Variants in GINS1 observed in about 807,000 individuals in gnomAD.
GINS1 encodes the protein GINS complex subunit 1.
In GINS1, 26 loss-of-function variants were observed where a neutral mutation model predicts 34.9. The ratio of observed to expected loss-of-function variants is 0.74; its 90% CI spans 0.55 to 1.03. The LOEUF (loss-of-function observed/expected upper bound fraction) is 1.03. Among genes scored for constraint, GINS1 ranks in the 50% least tolerant of loss-of-function variants. The pLI is 0.00. For missense variants in GINS1, 235 were observed against 237.9 expected (o/e 0.99, Z 0.08); for synonymous variants, 97 against 84.4 (o/e 1.15, Z -0.82).
intron 1 of GINS1, among the ~76,000 whole-genome samples, chr20:25,409,642 C>T (rs1225908140): frequency 6.6e-6 from 1 of 152,200 alleles, no homozygotes; most frequent in Non-Finnish European, 1.5e-5. Context: ...AATGAAGAAA[C>T]TGAGCTGACA....
chr20:25,432,663 C>T (rs1164365255), intron 5 of GINS1, among the ~76,000 whole-genome samples: 4 of 151,792 alleles, frequency 2.6e-5, no homozygotes, highest in African/African-American at 7.3e-5. Context: ...GATGGGATTT[C>T]GCCATGTTGG....
At chr20:25,441,874 T>TC in intron 6 of GINS1, 98 bp downstream of exon 6, 1 of 670,022 alleles carries the variant, frequency 1.5e-6, no homozygotes. Context: ...TGATGATCGT[T>TC]TATATATTAG....
In GINS1 at chr20:25,413,787, T is replaced by C. The variant is rs2090302653; in HGVS notation, c.76-3T>C. ...GATTTCAATATCGGTTTATATGTTC[T>C]AGGAGGATGGACTCAGACAAGTTCT... On this transcript the variant is annotated splice_polypyrimidine_tract_variant and splice_region_variant and intron_variant, in intron 1 of 6. Transcript: ENST00000262460. The C allele has an allele frequency of 1.9e-6, 3 of 1,550,096 alleles. No individual in the cohort carries two copies. The highest frequency in any genetic ancestry group is 1.7e-4 in the Middle Eastern group (1 of 5,968).
chr20:25,413,024 A>G (rs755494470), intron 1 of GINS1, among the ~76,000 whole-genome samples: 2 of 150,924 alleles, frequency 1.3e-5, no homozygotes, highest in Non-Finnish European at 2.9e-5. Context: ...ATTTCAGATT[A>G]TCCTCATTGT....
intron 1 of GINS1, among the ~76,000 whole-genome samples, chr20:25,409,575 A>G (rs565166023): frequency 6.6e-6 from 1 of 152,276 alleles, no homozygotes; most frequent in African/African-American, 2.4e-5. Flanking sequence ...GGGAAAGGTA[A>G]TGAGTTTTGT....
At chr20:25,435,309 A>C (rs1341681627) in intron 5 of GINS1, among the ~76,000 whole-genome samples, 1 of 152,052 alleles carries the variant, frequency 6.6e-6, no homozygotes, top group South Asian at 2.1e-4. Context: ...TTCTTTTTGA[A>C]TTTTTTAGAG....
At chr20:25,423,123 T>G (rs918815815) in intron 4 of GINS1, among the ~76,000 whole-genome samples, 3 of 151,660 alleles carry the variant, frequency 2.0e-5, no homozygotes, top group African/African-American at 4.9e-5. Flanking sequence ...GTTTTTTTTT[T>G]GTTTTTTTTG....
intron 4 of GINS1, among the ~76,000 whole-genome samples, chr20:25,423,612 CT>C (rs35923439): frequency 0.023 from 1,971 of 85,490 alleles, 110 homozygotes; most frequent in African/African-American, 0.093. Flanking sequence ...TTTCTTCTCT[CT>C]TTTTTTTTTT....
chr20:25,421,055 G>A (rs2090352361), intron 4 of GINS1: 1 of 666,408 alleles, frequency 1.5e-6, no homozygotes, highest in African/African-American at 2.0e-5. Flanking sequence ...TATTACCCAA[G>A]GATAGTGCTT....
chr20:25,442,078 T>C (rs982209087), intron 6 of GINS1, among the ~76,000 whole-genome samples: 2 of 152,188 alleles, frequency 1.3e-5, no homozygotes, highest in Non-Finnish European at 2.9e-5. Flanking sequence ...CTGGAGGCTA[T>C]TGAACTGTTG....
intron 4 of GINS1, among the ~76,000 whole-genome samples, chr20:25,421,268 G>A (rs1332779270): frequency 6.6e-6 from 1 of 152,136 alleles, no homozygotes; most frequent in Non-Finnish European, 1.5e-5. Context: ...CAAATTCCTG[G>A]TATATAGTAA....
chr20:25,416,334 A>G (rs1049798263), intron 2 of GINS1, among the ~76,000 whole-genome samples: 1 of 152,312 alleles, frequency 6.6e-6, no homozygotes, highest in African/African-American at 2.4e-5. Context: ...CCACCTTCCT[A>G]GTTTCATCAG....
chr20:25,443,792 A>AT (rs1167693391), intron 6 of GINS1, among the ~76,000 whole-genome samples: 114 of 151,264 alleles, frequency 7.5e-4, no homozygotes, highest in Middle Eastern at 3.4e-3. Context: ...TGGTGGTTGA[A>AT]TTTTTTAACT....
chr20:25,442,374 A>G lies in GINS1; in HGVS notation c.522+598A>G, dbSNP rs547882548. 7.9e-3 allele frequency among the ~76,000 whole-genome samples: 1,137 copies of G among 143,282 alleles called. 15 individuals carry two copies. The highest frequency in any genetic ancestry group is 0.028 in the African/African-American group (1,068 of 37,830). 94.0% of individuals were successfully genotyped at this position (143,282 alleles called of 152,430 possible). On this transcript the variant is annotated intron_variant, in intron 6 of 6. Transcript: ENST00000262460. ...TGTCTGTCTGTCTGTCTGTCTGTCT[A>G]TCTATCTATCTATCTTTAAAGAAAA...
chr20:25,424,687 T>G (rs1264233525), intron 4 of GINS1, among the ~76,000 whole-genome samples: 1 of 152,240 alleles, frequency 6.6e-6, no homozygotes, highest in Non-Finnish European at 1.5e-5. Context: ...TCTATAGATT[T>G]ACCTATTACA....
intron 2 of GINS1, among the ~76,000 whole-genome samples, chr20:25,416,724 A>G (rs1320715622): frequency 6.6e-6 from 1 of 152,248 alleles, no homozygotes; most frequent in Non-Finnish European, 1.5e-5. Context: ...TATGTAGAAT[A>G]GCGACATGAC....
chr20:25,413,497 C>A, intron 1 of GINS1: 1 of 336,588 alleles, frequency 3.0e-6, no homozygotes, highest in Non-Finnish European at 5.4e-6. Context: ...TATATATATA[C>A]ACCTAGGAGT....
chr20:25,421,690 C>G (rs979997499), intron 4 of GINS1, among the ~76,000 whole-genome samples: 5 of 151,966 alleles, frequency 3.3e-5, no homozygotes, highest in African/African-American at 9.7e-5. Flanking sequence ...ATAAGGAAAA[C>G]TAAAAAATTT....
Position 25,446,236 on chromosome 20 carries a change from T to G in GINS1, c.*245T>G. ...TTGTTTTGTAGAGACTGTCTCACTA[T>G]GTTGCCCAAGCTGGTCTCAAACTCC... On this transcript the variant is annotated 3_prime_UTR_variant, in exon 7 of 7. Coordinates refer to ENST00000262460, the MANE Select transcript of GINS1 (RefSeq NM_021067.5). 1 of 347,182 alleles carries G rather than the reference T, an allele frequency of 2.9e-6. No homozygotes were observed. Among genetic ancestry groups the G allele is most frequent in the Non-Finnish European group, 5.2e-6 (1 of 192,382 alleles). The allele number at this position is 347,182 out of a possible 1,614,324, so 21.5% of individuals were successfully genotyped here.
Sources: allele counts gnomAD v4.1 joint callset (sites outside exome capture counted in the v4.1 genomes callset), GRCh38; gene constraint gnomAD v4.1.1; transcripts MANE v1.5; gene names NCBI Gene and HGNC (gene_info 2026-07-23, HGNC 2026-07-21).